SLC25A28: variants seen among roughly 807,000 people sequenced by gnomAD.
SLC25A28 encodes the protein mitoferrin-2.
SLC25A28 carries 10 observed loss-of-function variants against 31.9 expected under a neutral mutation model. The observed-to-expected ratio is 0.31, with a 90% CI of 0.19 to 0.53. SLC25A28 has a LOEUF of 0.53. Among genes scored for constraint, SLC25A28 ranks in the 20% least tolerant of loss-of-function variants. SLC25A28 has a pLI of 0.95. For missense variants in SLC25A28, 256 were observed against 490.3 expected (o/e 0.52, Z 4.51); for synonymous variants, 208 against 203.6 (o/e 1.02, Z -0.19).
At chr10:99,631,920 C>T in the SLC25A28 span, among the ~76,000 whole-genome samples, 1 of 103,636 alleles carries the variant, frequency 9.6e-6, no homozygotes, top group Non-Finnish European at 1.7e-5. Context: ...GACGGAGTCT[C>T]GCTCTGTCGC....
chr10:99,643,680 C>T, the SLC25A28 span, among the ~76,000 whole-genome samples: 1 of 152,102 alleles, frequency 6.6e-6, no homozygotes, highest in East Asian at 1.9e-4. Flanking sequence ...TTAGATCTTT[C>T]CTGCTTTCTC....
chr10:99,612,664 C>T lies in SLC25A28; in HGVS notation c.521-65G>A, dbSNP rs181390928. The T allele has an allele frequency of 2.6e-4, 398 of 1,558,026 alleles. 3 individuals are homozygous for T. The Admixed American group carries it at 6.6e-3, about 26-fold the overall frequency. ...GAGCTGACCAACTCATTGAGGTCCCCCAGTGAAGGGGAGTGGCTGTGCTAC... is the reference window on the plus strand; with the variant it reads ...GAGCTGACCAACTCATTGAGGTCCCTCAGTGAAGGGGAGTGGCTGTGCTAC... On this transcript the variant is annotated intron_variant, in intron 2 of 3. Transcript: ENST00000370495.
At chr10:99,649,590 TTTG>T in the SLC25A28 span, among the ~76,000 whole-genome samples, 24 of 152,190 alleles carry the variant, frequency 1.6e-4, no homozygotes, top group Non-Finnish European at 2.9e-4. Flanking sequence ...CTGGGCTTTT[TTTG>T]TTGTTGTTGA....
chr10:99,656,145 G>C, the SLC25A28 span, among the ~76,000 whole-genome samples: 1 of 152,068 alleles, frequency 6.6e-6, no homozygotes, highest in Non-Finnish European at 1.5e-5. Context: ...CACAAGATGG[G>C]CTAAAAAAAA....
chr10:99,620,189 GCAGGCCC>G lies in SLC25A28; in HGVS notation c.140_146del (p.Gly47AlafsTer41), dbSNP rs1250550544. On this transcript the variant is annotated frameshift_variant, in exon 1 of 4. Transcript: ENST00000370495. LOFTEE classifies it high-confidence loss of function. The stretch of plus-strand genomic sequence containing the variant: ...CCGGATCTTGTCGTACCGGGGGCCT[GCAGGCCC>G]CGGCCTCCCCGCCGCCGGCCCCCCG... The G allele has an allele frequency of 6.8e-7, 1 of 1,478,530 alleles. No homozygotes were observed. Among genetic ancestry groups the G allele is most frequent in the Non-Finnish European group, 8.9e-7 (1 of 1,117,790 alleles). The allele number at this position is 1,478,530 out of a possible 1,614,324, so 91.6% of individuals were successfully genotyped here.
At chr10:99,654,657 TAAC>T in the SLC25A28 span, among the ~76,000 whole-genome samples, 2,884 of 150,756 alleles carry the variant, frequency 0.019, 100 homozygotes, top group African/African-American at 0.066. Flanking sequence ...CCCATCTCAA[TAAC>T]AACAACAACA....
chr10:99,613,454 C>G lies in SLC25A28; in HGVS notation c.520+242G>C, dbSNP rs763963332. On this transcript the variant is annotated intron_variant, in intron 2 of 3. Transcript: ENST00000370495. The surrounding 1 kb of genome is among the most constrained non-coding windows in gnomAD (Gnocchi z 4.9). ...GTTGATGCCAGGGAGATGAGAGGAACAAGTCAAGCTGGTAGGTAAGGGAGG... is the reference window on the plus strand; with the variant it reads ...GTTGATGCCAGGGAGATGAGAGGAAGAAGTCAAGCTGGTAGGTAAGGGAGG... 6.1e-4 allele frequency: 852 copies of G among 1,387,740 alleles called. 2 individuals are homozygous for G. The highest frequency in any genetic ancestry group is 7.2e-4 in the Non-Finnish European group (773 of 1,070,708). 86.0% of individuals were successfully genotyped at this position (1,387,740 alleles called of 1,614,324 possible).
chr10:99,610,731 G>C lies in SLC25A28; in HGVS notation c.*118C>G. The C allele has an allele frequency of 7.6e-7, 1 of 1,322,760 alleles. No individual in the cohort carries two copies. The highest frequency in any genetic ancestry group is 1.0e-6 in the Non-Finnish European group (1 of 966,694). The allele number at this position is 1,322,760 out of a possible 1,614,324, so 81.9% of individuals were successfully genotyped here. A position where few individuals can be genotyped will look rare whatever the true frequency, so the allele number is the denominator to read the frequency against. On this transcript the variant is annotated 3_prime_UTR_variant, in exon 4 of 4. Coordinates refer to ENST00000370495, the MANE Select transcript of SLC25A28 (RefSeq NM_031212.4). The stretch of plus-strand genomic sequence containing the variant: ...GTTAGTCAAAACACCAAAATCCTGG[G>C]GGAGAGCCCCTCTACCTTCCTTCTA...
chr10:99,624,945 C>T (rs541632683), upstream of SLC25A28, among the ~76,000 whole-genome samples: 10 of 152,186 alleles, frequency 6.6e-5, no homozygotes, highest in African/African-American at 2.2e-4. Context: ...TCTTGTATTC[C>T]AGTGTCTGGA....
upstream of SLC25A28, among the ~76,000 whole-genome samples, chr10:99,623,022 G>A (rs899151946): frequency 2.0e-5 from 3 of 152,158 alleles, no homozygotes; most frequent in African/African-American, 7.2e-5. Context: ...CTTTGAAATA[G>A]GGTGGTATGA....
chr10:99,644,943 G>C, the SLC25A28 span, among the ~76,000 whole-genome samples: 4 of 152,144 alleles, frequency 2.6e-5, no homozygotes, highest in Admixed American at 1.3e-4. Context: ...TGATGGGCTT[G>C]CCTTTGTGGG....
chr10:99,628,821 C>T, the SLC25A28 span, among the ~76,000 whole-genome samples: 1 of 152,056 alleles, frequency 6.6e-6, no homozygotes, highest in Non-Finnish European at 1.5e-5. Flanking sequence ...AATTCTGACT[C>T]AAAAACAAAA....
chr10:99,643,744 C>T, the SLC25A28 span, among the ~76,000 whole-genome samples: 6 of 151,994 alleles, frequency 3.9e-5, no homozygotes, highest in Non-Finnish European at 7.4e-5. Flanking sequence ...TAAATGTGTC[C>T]CAGAGATTCT....
the SLC25A28 span, among the ~76,000 whole-genome samples, chr10:99,629,303 T>A: frequency 6.6e-6 from 1 of 152,178 alleles, no homozygotes; most frequent in African/African-American, 2.4e-5. Flanking sequence ...GAGGCCCTCC[T>A]CAGAAGCTGG....
At chr10:99,628,322 TAGG>T in the SLC25A28 span, among the ~76,000 whole-genome samples, 8 of 152,240 alleles carry the variant, frequency 5.3e-5, no homozygotes, top group African/African-American at 1.7e-4. Flanking sequence ...GCATTACTTC[TAGG>T]AGAAGTATGG....
the SLC25A28 span, among the ~76,000 whole-genome samples, chr10:99,643,770 T>C: frequency 6.6e-6 from 1 of 152,228 alleles, no homozygotes; most frequent in Non-Finnish European, 1.5e-5. Context: ...GTTGTGTCTT[T>C]GTTCTCATTG....
the SLC25A28 span, among the ~76,000 whole-genome samples, chr10:99,628,287 G>T: frequency 1.3e-5 from 2 of 152,146 alleles, no homozygotes; most frequent in Admixed American, 1.3e-4. Flanking sequence ...CTCATGTCTC[G>T]ACTTGAGTTT....
chr10:99,622,711 A>G (rs2034819389), upstream of SLC25A28: 1 of 985,356 alleles, frequency 1.0e-6, no homozygotes, highest in African/African-American at 1.7e-5. Context: ...TAGCCATTGA[A>G]GTGGAACATC....
chr10:99,638,097 A>G, the SLC25A28 span, among the ~76,000 whole-genome samples: 3 of 152,212 alleles, frequency 2.0e-5, no homozygotes, highest in East Asian at 5.8e-4. Context: ...ACAGAATGGC[A>G]TACAGAGCAA....
Sources: allele counts gnomAD v4.1 joint callset (sites outside exome capture counted in the v4.1 genomes callset), GRCh38; gene constraint gnomAD v4.1.1; non-coding constraint Gnocchi (gnomAD v3.1); transcripts MANE v1.5; gene names NCBI Gene and HGNC (gene_info 2026-07-23, HGNC 2026-07-21).